Variants in CFAP43 observed in about 807,000 individuals in gnomAD.
CFAP43 encodes cilia and flagella associated protein 43.
In CFAP43, 155 loss-of-function variants were observed where a neutral mutation model predicts 218.9. The ratio of observed to expected loss-of-function variants is 0.71; its 90% CI spans 0.62 to 0.81. The LOEUF is 0.81. Ranked by LOEUF, CFAP43 falls within the 30% of genes least tolerant of loss-of-function variation. CFAP43 has a pLI of 0.00. For synonymous variants in CFAP43, 645 were observed against 681.3 expected (o/e 0.95, Z 0.83); for missense variants, 1,778 against 1,954.3 (o/e 0.91, Z 1.70).
intron 3 of CFAP43, among the ~76,000 whole-genome samples, chr10:104,220,583 A>G (rs993811768): frequency 2.0e-5 from 3 of 152,162 alleles, no homozygotes; most frequent in African/African-American, 7.2e-5. Context: ...GAACAAAAAA[A>G]AAATGAAACT....
intron 16 of CFAP43, among the ~76,000 whole-genome samples, chr10:104,183,064 T>C (rs1055858286): frequency 6.6e-6 from 1 of 152,198 alleles, no homozygotes; most frequent in Admixed American, 6.5e-5. Context: ...CACCAGGCAG[T>C]GTGCTACTTC....
chr10:104,188,099 A>G (rs2090089508), intron 13 of CFAP43, among the ~76,000 whole-genome samples, 171 bp downstream of exon 13: 1 of 152,238 alleles, frequency 6.6e-6, no homozygotes, highest in Non-Finnish European at 1.5e-5. Context: ...GCCCAGAGGA[A>G]AAGTCCACAC....
At chr10:104,186,234 G>A in intron 14 of CFAP43, 111 bp from the exon 15 acceptor site, 2 of 836,924 alleles carry the variant, frequency 2.4e-6, no homozygotes, top group Non-Finnish European at 3.4e-6. Context: ...AAAATGATAT[G>A]GCATAAAGTG....
At chr10:104,220,947 A>AGT (rs2091159664) in intron 3 of CFAP43, among the ~76,000 whole-genome samples, 1 of 133,606 alleles carries the variant, frequency 7.5e-6, no homozygotes, top group South Asian at 2.6e-4. Context: ...TATATGAGTG[A>AGT]GCGTGTGTGT....
chr10:104,139,559 A>C (rs993202149), intron 34 of CFAP43, among the ~76,000 whole-genome samples: 2 of 152,240 alleles, frequency 1.3e-5, no homozygotes, highest in Non-Finnish European at 2.9e-5. Context: ...GTTCAGAAGA[A>C]AATGAACATC....
At chr10:104,193,524 T>C in intron 11 of CFAP43, 1 of 183,926 alleles carries the variant, frequency 5.4e-6, no homozygotes, top group East Asian at 1.4e-4. Flanking sequence ...GTTTACCTCA[T>C]GGAGTTAATA....
chr10:104,220,498 G>C (rs1229132704), intron 3 of CFAP43, among the ~76,000 whole-genome samples: 1 of 151,722 alleles, frequency 6.6e-6, no homozygotes, highest in African/African-American at 2.4e-5. Context: ...AGCTATAAAA[G>C]AGCTTAGAAA....
intron 6 of CFAP43, 116 bp downstream of exon 6, chr10:104,207,548 CA>C (rs1427334225): frequency 1.0e-6 from 1 of 960,812 alleles, no homozygotes; most frequent in Non-Finnish European, 1.6e-6. Flanking sequence ...CAGTAACAGC[CA>C]GAGGATTAAG....
intron 33 of CFAP43, among the ~76,000 whole-genome samples, chr10:104,142,027 C>T (rs2087730834): frequency 1.3e-5 from 2 of 152,046 alleles, no homozygotes; most frequent in Non-Finnish European, 2.9e-5. Flanking sequence ...TGGAAGGGGC[C>T]GACTTAAAAC....
Position 104,131,387 on chromosome 10 carries a change from T to C in CFAP43, c.4775A>G (p.Asn1592Ser). The change falls in exon 37 of 38, where the codon AAT becomes AGT. Residue 1592 changes from asparagine (N) to serine (S), a missense_variant. By Grantham distance (46) the Asn-to-Ser change is conservative (BLOSUM62 1). This residue lies in a region of CFAP43 where 211 missense variants were observed against 230.6 expected (regional missense o/e 0.91). Coordinates refer to ENST00000357060, the MANE Select transcript of CFAP43 (RefSeq NM_025145.7). ...KDIANYALSC[N>S]LREELVAVSE... ...GACAGCTACCAACTCTTCTCGTAGA[T>C]TGCAGCTTAGGGCATAATTTGCTAT... 1.9e-6 allele frequency: 3 copies of C among 1,613,854 alleles called. No individual in the cohort carries two copies. Among genetic ancestry groups the C allele is most frequent in the Non-Finnish European group, 2.5e-6 (3 of 1,179,942 alleles).
intron 34 of CFAP43, among the ~76,000 whole-genome samples, chr10:104,137,638 T>C (rs756437810): frequency 6.6e-6 from 1 of 151,950 alleles, no homozygotes; most frequent in African/African-American, 2.4e-5. Flanking sequence ...TGAAACCCCA[T>C]CTCTACCAAA....
intron 27 of CFAP43, among the ~76,000 whole-genome samples, chr10:104,156,506 C>A (rs1367425890): frequency 2.0e-5 from 3 of 152,056 alleles, no homozygotes; most frequent in Non-Finnish European, 4.4e-5. Context: ...CAATTGGCCC[C>A]AAAGAGACTA....
intron 12 of CFAP43, among the ~76,000 whole-genome samples, chr10:104,189,664 T>A (rs887891903): frequency 5.3e-5 from 8 of 152,160 alleles, no homozygotes; most frequent in African/African-American, 1.9e-4. Flanking sequence ...TGGACCAGGG[T>A]TCTATTCCCA....
Position 104,195,427 on chromosome 10 carries a change from A to G in CFAP43, c.1294-1413T>C, listed in dbSNP as rs556028584. Among the ~76,000 whole-genome samples, 29 of 152,362 alleles carry G rather than the reference A, an allele frequency of 1.9e-4. 1 individual carries two copies. Among genetic ancestry groups the G allele is most frequent in the African/African-American group, 7.0e-4 (29 of 41,592 alleles). On this transcript the variant is annotated intron_variant, in intron 10 of 37. Coordinates refer to ENST00000357060, the MANE Select transcript of CFAP43 (RefSeq NM_025145.7). The stretch of plus-strand genomic sequence containing the variant: ...TAGTTTACTATTTCTAATAGAAATG[A>G]ATACATATAACCCTTGGTCACATAG...
intron 5 of CFAP43, among the ~76,000 whole-genome samples, chr10:104,209,808 A>G (rs1291000598): frequency 6.6e-6 from 1 of 152,154 alleles, no homozygotes; most frequent in Non-Finnish European, 1.5e-5. Context: ...GAATGCAGTT[A>G]TATCTCCAAG....
At chr10:104,217,663 C>T (rs945638571) in intron 3 of CFAP43, among the ~76,000 whole-genome samples, 2 of 152,108 alleles carry the variant, frequency 1.3e-5, no homozygotes, top group South Asian at 4.2e-4. Context: ...TCCAGCACTC[C>T]CAGGTGTTCC....
chr10:104,231,570 A>C (rs902744020), intron 1 of CFAP43, among the ~76,000 whole-genome samples: 1 of 152,186 alleles, frequency 6.6e-6, no homozygotes, highest in East Asian at 1.9e-4. Flanking sequence ...TTTGGTGAGA[A>C]ACCTCGAGAC....
At chr10:104,167,310 G>A (rs1413553018) in intron 22 of CFAP43, among the ~76,000 whole-genome samples, 3 of 152,098 alleles carry the variant, frequency 2.0e-5, no homozygotes, top group Non-Finnish European at 4.4e-5. Context: ...GACAAGGGAG[G>A]ATGAAAAGGA....
chr10:104,158,613 A>G (rs909682507), intron 27 of CFAP43, among the ~76,000 whole-genome samples: 1 of 152,198 alleles, frequency 6.6e-6, no homozygotes, highest in Non-Finnish European at 1.5e-5. Flanking sequence ...AAACTAAGTG[A>G]AATTGATTAG....
Sources: allele counts gnomAD v4.1 joint callset (sites outside exome capture counted in the v4.1 genomes callset), GRCh38; gene constraint gnomAD v4.1.1; regional missense constraint gnomAD v4.1.1; transcripts MANE v1.5; gene names NCBI Gene and HGNC (gene_info 2026-07-23, HGNC 2026-07-21).